NCAPG2: variants seen among roughly 807,000 people sequenced by gnomAD.
NCAPG2 encodes the protein condensin-2 complex subunit G2.
Under a neutral mutation model 141.1 loss-of-function variants are expected in NCAPG2, and 53 were observed. That is an observed-to-expected ratio of 0.38 (90% CI 0.30 to 0.47). The LOEUF (loss-of-function observed/expected upper bound fraction) is 0.47. Among genes scored for constraint, NCAPG2 ranks in the 20% least tolerant of loss-of-function variants. NCAPG2 has a pLI of 0.99. For synonymous variants in NCAPG2, 499 were observed against 490.7 expected (o/e 1.02, Z -0.22); for missense variants, 1,087 against 1,389.0 (o/e 0.78, Z 3.46).
chr7:158,666,034 A>G (rs1832907038), intron 13 of NCAPG2, among the ~76,000 whole-genome samples: 1 of 152,146 alleles, frequency 6.6e-6, no homozygotes, highest in Non-Finnish European at 1.5e-5. Context: ...TCAAGCAGCC[A>G]CAGGACAGTG....
chr7:158,685,057 G>T (rs1834672016), intron 8 of NCAPG2, among the ~76,000 whole-genome samples: 1 of 152,158 alleles, frequency 6.6e-6, no homozygotes, highest in Non-Finnish European at 1.5e-5. Context: ...GTTGTGAGAG[G>T]CTCCTTTCTG....
Position 158,687,351 on chromosome 7 carries a change from T to G in NCAPG2, c.764A>C (p.Gln255Pro). The G allele has an allele frequency of 6.2e-7, 1 of 1,603,162 alleles. No homozygotes were observed. The highest frequency in any genetic ancestry group is 8.5e-7 in the Non-Finnish European group (1 of 1,173,684). Reference protein sequence around the residue: ...GTIKNQLQGLQKSLMVYIAEI... With the variant: ...GTIKNQLQGLPKSLMVYIAEI... Reference sequence around the variant, plus strand: ...CTTCAGTACTTTTAACACTTACTTTTGTAATCCCTGTAACTGGTTTTTAAT... The same window carrying G: ...CTTCAGTACTTTTAACACTTACTTTGGTAATCCCTGTAACTGGTTTTTAAT... Residue 255 changes from glutamine to proline, a missense_variant, in exon 7 of 28, where the codon CAA becomes CCA. Physicochemically the swap from Gln to Pro is moderately conservative, Grantham distance 76. Coordinates refer to ENST00000356309, the MANE Select transcript of NCAPG2 (RefSeq NM_017760.7).
At chr7:158,685,821 T>C (rs1834723969) in intron 8 of NCAPG2, among the ~76,000 whole-genome samples, 1 of 152,236 alleles carries the variant, frequency 6.6e-6, no homozygotes, top group African/African-American at 2.4e-5. Flanking sequence ...TTTTAAAAAG[T>C]ACTGAGATAT....
intron 2 of NCAPG2, chr7:158,696,460 T>G (rs2129469436): frequency 6.6e-6 from 1 of 152,356 alleles, no homozygotes; most frequent in East Asian, 1.9e-4. Flanking sequence ...TTTGAGGATT[T>G]TAATGTGATT....
intron 13 of NCAPG2, among the ~76,000 whole-genome samples, chr7:158,666,871 CAA>C (rs1832994036): frequency 6.6e-6 from 1 of 152,144 alleles, no homozygotes; most frequent in African/African-American, 2.4e-5. Flanking sequence ...CCACAGCTGA[CAA>C]AGGAAACAAA....
In NCAPG2 at chr7:158,645,607, A is replaced by C. The variant is rs1363651343; in HGVS notation, c.3192T>G (p.Asp1064Glu). The change falls in exon 26 of 28, where the codon GAT becomes GAG. Residue 1064 changes from aspartate to glutamate, a missense_variant. Transcript: ENST00000356309. ...TAGAAGCCACACATGCCTTTAATTC[A>C]TCCAAAAATGACCTGCAAAAAAATC... Reference protein sequence around the residue: ...KSSNVVRSFLDELKACVASND... With the variant: ...KSSNVVRSFLEELKACVASND... 2.5e-6 allele frequency: 4 copies of C among 1,614,022 alleles called. No individual in the cohort carries two copies. Among genetic ancestry groups the C allele is most frequent in the Middle Eastern group, 3.3e-4 (2 of 6,084 alleles).
Position 158,652,555 on chromosome 7 carries a change from A to G in NCAPG2, c.2747-75T>C, listed in dbSNP as rs1161800238. Reference sequence around the variant, plus strand: ...GAAATCATTACACATTTCTCACTTAACACATGTATAAAATGGTAACAAAAA... The same window carrying G: ...GAAATCATTACACATTTCTCACTTAGCACATGTATAAAATGGTAACAAAAA... On this transcript the variant is annotated intron_variant, in intron 22 of 27. Transcript: ENST00000356309. 3.4e-6 allele frequency: 4 copies of G among 1,175,932 alleles called. No homozygotes were observed. The South Asian group carries it at 6.0e-5, about 18-fold the overall frequency. 72.8% of individuals were successfully genotyped at this position (1,175,932 alleles called of 1,614,324 possible).
rs1233324522 is a variant in NCAPG2 at position 158,631,332 on chromosome 7, C to T, written c.*334G>A. ...AATGGATGTTGTCATTGCTTTATTA[C>T]TCATAGTTTCCAAGCAATATTACAT... On this transcript the variant is annotated 3_prime_UTR_variant, in exon 28 of 28. Coordinates refer to ENST00000356309, the MANE Select transcript of NCAPG2 (RefSeq NM_017760.7). 3 of 276,528 alleles carry T rather than the reference C, an allele frequency of 1.1e-5. No homozygotes were observed. The highest frequency in any genetic ancestry group is 2.0e-5 in the Non-Finnish European group (3 of 149,650). The allele number at this position is 276,528 out of a possible 1,614,324, so 17.1% of individuals were successfully genotyped here. A position where few individuals can be genotyped will look rare whatever the true frequency, so the allele number is the denominator to read the frequency against.
intron 11 of NCAPG2, among the ~76,000 whole-genome samples, chr7:158,679,467 GA>G (rs1834309953): frequency 6.6e-6 from 1 of 152,192 alleles, no homozygotes; most frequent in African/African-American, 2.4e-5. Context: ...GGCTTGCCCT[GA>G]AATATAACCA....
intron 19 of NCAPG2, among the ~76,000 whole-genome samples, chr7:158,655,664 C>T (rs921098913): frequency 6.6e-5 from 10 of 152,304 alleles, no homozygotes; most frequent in Non-Finnish European, 1.5e-4. Flanking sequence ...CCTCAGCTCA[C>T]CGTCCACAGC....
chr7:158,657,760 C>G (rs10224555), intron 17 of NCAPG2, among the ~76,000 whole-genome samples: 136,260 of 152,174 alleles, frequency 0.9, 61,059 homozygotes, highest in East Asian at 0.96. Context: ...TGCCGTGTCT[C>G]TGTAGAAAGA....
At chr7:158,642,217 T>G (rs1760480833) in intron 27 of NCAPG2, among the ~76,000 whole-genome samples, 1 of 152,150 alleles carries the variant, frequency 6.6e-6, no homozygotes, top group African/African-American at 2.4e-5. Context: ...TTATCAAAAA[T>G]TTGTGAGATG....
intron 12 of NCAPG2, among the ~76,000 whole-genome samples, chr7:158,673,417 G>A (rs577255986): frequency 6.6e-6 from 1 of 152,304 alleles, no homozygotes; most frequent in South Asian, 2.1e-4. Flanking sequence ...GCTTGGGGAT[G>A]GCCTCCTGAA....
intron 16 of NCAPG2, among the ~76,000 whole-genome samples, chr7:158,658,966 T>C (rs901600359): frequency 6.9e-5 from 10 of 144,014 alleles, no homozygotes; most frequent in African/African-American, 2.6e-4. Context: ...CTGCGTGAGG[T>C]CAACAGTTAG....
intron 27 of NCAPG2, among the ~76,000 whole-genome samples, chr7:158,639,354 T>TCAA (rs1830488934): frequency 6.6e-6 from 1 of 152,180 alleles, no homozygotes; most frequent in East Asian, 1.9e-4. Context: ...GCAATTCACC[T>TCAA]GCCTTGGCCT....
At chr7:158,680,890 G>A in intron 9 of NCAPG2, 74 bp from the exon 10 acceptor site, 1 of 1,078,678 alleles carries the variant, frequency 9.3e-7, no homozygotes, top group Non-Finnish European at 1.3e-6. Context: ...CATTTGGAAA[G>A]AGCAACAGGG....
rs148019902 is a variant in NCAPG2 at position 158,697,940 on chromosome 7, T to C, written c.78+3882A>G. Among the ~76,000 whole-genome samples, 24 of 151,866 alleles carry C rather than the reference T, an allele frequency of 1.6e-4. 1 individual carries two copies. Among genetic ancestry groups the C allele is most frequent in the African/African-American group, 5.3e-4 (22 of 41,394 alleles). ...CAACACACACTGGCCTATTGGAGGG[T>C]AGAGGGTGGGAGGAGGGAGAGGATC... On this transcript the variant is annotated intron_variant, in intron 2 of 27. Coordinates refer to ENST00000356309, the MANE Select transcript of NCAPG2 (RefSeq NM_017760.7).
At chr7:158,659,538 AT>A (rs1006047177) in intron 16 of NCAPG2, among the ~76,000 whole-genome samples, 1 of 152,034 alleles carries the variant, frequency 6.6e-6, no homozygotes, top group Admixed American at 6.5e-5. Context: ...CCAGTACAGT[AT>A]TTAGAGTGTC....
chr7:158,668,652 TTA>T (rs1833460799), intron 13 of NCAPG2, among the ~76,000 whole-genome samples: 1 of 152,200 alleles, frequency 6.6e-6, no homozygotes, highest in Non-Finnish European at 1.5e-5. Context: ...CTCTCTGCTT[TTA>T]TATATGTTTG....
Sources: allele counts gnomAD v4.1 joint callset (sites outside exome capture counted in the v4.1 genomes callset), GRCh38; gene constraint gnomAD v4.1.1; transcripts MANE v1.5; gene names NCBI Gene and HGNC (gene_info 2026-07-23, HGNC 2026-07-21).